PDK1: variants seen among roughly 807,000 people sequenced by gnomAD.
PDK1 encodes the protein pyruvate dehydrogenase kinase 1.
In PDK1, 39 loss-of-function variants were observed where a neutral mutation model predicts 54.2. That is an observed-to-expected ratio of 0.72 (90% CI 0.56 to 0.94). The LOEUF is 0.94. Ranked by LOEUF, PDK1 falls within the 40% of genes least tolerant of loss-of-function variation. The probability of loss-of-function intolerance (pLI) is 0.00; values close to 1 mark genes in which losing one functional copy is unlikely to be tolerated. For synonymous variants in PDK1, 221 were observed against 207.1 expected (o/e 1.07, Z -0.58); for missense variants, 552 against 566.0 (o/e 0.98, Z 0.25).
rs925426013 is a variant in PDK1 at position 172,606,043 on chromosome 2, T to C, written c.*10074T>C. ...TATTATAGACATAAAACCATTTAAT[T>C]TCATAGATACCTTCAGTGGTGGCAT... is the stretch of plus-strand genomic sequence containing the variant. On this transcript the variant is annotated 3_prime_UTR_variant, in exon 11 of 11. Coordinates refer to ENST00000282077, the MANE Select transcript of PDK1 (RefSeq NM_002610.5). 6.6e-6 allele frequency: 1 copy of C among 152,182 alleles called. No individual in the cohort carries two copies. Among genetic ancestry groups the C allele is most frequent in the Non-Finnish European group, 1.5e-5 (1 of 68,030 alleles). 9.4% of individuals were successfully genotyped at this position (152,182 alleles called of 1,614,324 possible). A position where few individuals can be genotyped will look rare whatever the true frequency, so the allele number is the denominator to read the frequency against.
At chr2:172,640,001 C>A in the PDK1 span, among the ~76,000 whole-genome samples, 3 of 152,144 alleles carry the variant, frequency 2.0e-5, no homozygotes, top group African/African-American at 7.2e-5. Flanking sequence ...TTTGCCTCAG[C>A]AACAGATGAC....
the PDK1 span, among the ~76,000 whole-genome samples, chr2:172,710,581 A>G: frequency 3.9e-5 from 6 of 152,224 alleles, no homozygotes; most frequent in Admixed American, 2.6e-4. Flanking sequence ...TGCATGGTTT[A>G]GGCATGCACA....
chr2:172,627,949 G>T, the PDK1 span, among the ~76,000 whole-genome samples: 1,000 of 152,260 alleles, frequency 6.6e-3, 6 homozygotes, highest in Non-Finnish European at 0.011. Context: ...TTCCCGCGGG[G>T]CGTGGAGAAA....
intron 5 of PDK1, 29 bp from the exon 6 acceptor site, chr2:172,566,827 C>G: frequency 6.8e-7 from 1 of 1,479,724 alleles, no homozygotes; most frequent in Non-Finnish European, 9.4e-7. Flanking sequence ...TTATTAAATC[C>G]TTTTTTGTTT....
At chr2:172,667,240 G>A in the PDK1 span, among the ~76,000 whole-genome samples, 1 of 152,200 alleles carries the variant, frequency 6.6e-6, no homozygotes, top group African/African-American at 2.4e-5. Flanking sequence ...AGAAAGCAGA[G>A]GGAATGAGAG....
intron 7 of PDK1, 113 bp from the exon 8 acceptor site, chr2:172,570,612 CT>C: frequency 1.9e-6 from 1 of 525,504 alleles, no homozygotes; most frequent in Non-Finnish European, 3.3e-6. Flanking sequence ...AATTGTGATT[CT>C]TTGGCATATT....
At chr2:172,705,073 G>C in the PDK1 span, among the ~76,000 whole-genome samples, 1 of 152,232 alleles carries the variant, frequency 6.6e-6, no homozygotes, top group Non-Finnish European at 1.5e-5. Context: ...TAAATAGGCA[G>C]TGAGGAAACT....
At chr2:172,681,765 T>C in the PDK1 span, among the ~76,000 whole-genome samples, 1 of 151,982 alleles carries the variant, frequency 6.6e-6, no homozygotes. Context: ...TATCTATTAG[T>C]TATTATTATT....
chr2:172,555,487 C>T (rs1688264833), upstream of PDK1: 1 of 152,172 alleles, frequency 6.6e-6, no homozygotes, highest in Non-Finnish European at 1.5e-5. Flanking sequence ...GCCGCCGTCG[C>T]GGTGATACTA....
chr2:172,712,121 C>T, the PDK1 span, among the ~76,000 whole-genome samples: 1 of 152,118 alleles, frequency 6.6e-6, no homozygotes, highest in Non-Finnish European at 1.5e-5. Flanking sequence ...TCTTAAACCT[C>T]TAAGATTCTG....
the PDK1 span, among the ~76,000 whole-genome samples, chr2:172,648,503 C>A: frequency 6.6e-6 from 1 of 152,136 alleles, no homozygotes. Flanking sequence ...GCTTGTCAGA[C>A]AGAGGGTGCA....
At chr2:172,621,777 T>G in the PDK1 span, among the ~76,000 whole-genome samples, 6 of 148,444 alleles carry the variant, frequency 4.0e-5, no homozygotes, top group East Asian at 7.8e-4. Flanking sequence ...TCATATATGT[T>G]TATATCTCAT....
the PDK1 span, among the ~76,000 whole-genome samples, chr2:172,616,359 G>A: frequency 2.0e-5 from 3 of 152,120 alleles, no homozygotes; most frequent in Non-Finnish European, 4.4e-5. Flanking sequence ...TTTATCCAGC[G>A]AAATACAGCA....
the PDK1 span, among the ~76,000 whole-genome samples, chr2:172,681,488 C>T: frequency 6.6e-6 from 1 of 152,218 alleles, no homozygotes; most frequent in Non-Finnish European, 1.5e-5. Context: ...TCAGCACCTA[C>T]GTGCATTGAG....
the PDK1 span, among the ~76,000 whole-genome samples, chr2:172,635,552 G>A: frequency 2.0e-5 from 3 of 152,210 alleles, no homozygotes; most frequent in Non-Finnish European, 2.9e-5. Flanking sequence ...CTGGCCTCAA[G>A]TGATTTACCT....
chr2:172,621,587 T>G, the PDK1 span, among the ~76,000 whole-genome samples: 1 of 146,892 alleles, frequency 6.8e-6, no homozygotes, highest in African/African-American at 2.5e-5. Flanking sequence ...ATGATATATG[T>G]TTATATATGA....
chr2:172,615,304 T>G, the PDK1 span, among the ~76,000 whole-genome samples: 4 of 152,188 alleles, frequency 2.6e-5, no homozygotes, highest in African/African-American at 9.7e-5. Flanking sequence ...AGAACAAAAT[T>G]TAGAACTTCT....
At chr2:172,719,132 G>A in the PDK1 span, among the ~76,000 whole-genome samples, 4 of 152,130 alleles carry the variant, frequency 2.6e-5, no homozygotes, top group East Asian at 1.9e-4. Context: ...ATTTATCCAC[G>A]TTGCTGCATG....
the PDK1 span, among the ~76,000 whole-genome samples, chr2:172,711,865 C>CAAAAAAAAA: frequency 0.016 from 362 of 22,780 alleles, 56 homozygotes; most frequent in East Asian, 0.22. Context: ...GAACCTAGCT[C>CAAAAAAAAA]AAAAAAAAAA....
Sources: allele counts gnomAD v4.1 joint callset (sites outside exome capture counted in the v4.1 genomes callset), GRCh38; gene constraint gnomAD v4.1.1; transcripts MANE v1.5; gene names NCBI Gene and HGNC (gene_info 2026-07-23, HGNC 2026-07-21).